The following ATXN1 variants were observed in gnomAD, a reference collection of about 807,000 sequenced individuals.
The protein encoded by ATXN1 is ataxin-1.
In ATXN1, 8 loss-of-function variants were observed where a neutral mutation model predicts 56.4. The observed-to-expected ratio is 0.14, with a 90% CI of 0.08 to 0.26. The LOEUF (loss-of-function observed/expected upper bound fraction) is 0.26, where lower values mean the gene tolerates loss of function less well. Among genes scored for constraint, ATXN1 ranks in the 10% least tolerant of loss-of-function variants. The pLI is 1.00. For missense variants in ATXN1, 987 were observed against 1,106.5 expected, an observed-to-expected ratio of 0.89 and a Z score of 1.53; for synonymous variants, 514 against 494.6, an observed-to-expected ratio of 1.04 and a Z score of -0.52.
chr6:16,439,716 A>C (rs1201511944), intron 6 of ATXN1, among the ~76,000 whole-genome samples: 1 of 152,178 alleles, frequency 6.6e-6, no homozygotes, highest in African/African-American at 2.4e-5. Context: ...TTCATTTTGA[A>C]GTATTTGAGG....
chr6:16,597,193 G>A (rs967466969), intron 3 of ATXN1, among the ~76,000 whole-genome samples: 1 of 152,202 alleles, frequency 6.6e-6, no homozygotes, highest in Non-Finnish European at 1.5e-5. Flanking sequence ...AAACACCTCC[G>A]GTGGAAGGAG....
rs534508218 is a variant in ATXN1, at chr6:16,330,833, G to T, written c.-160-2363C>A. On this transcript the variant is annotated intron_variant, in intron 6 of 7. Transcript: ENST00000436367. ...AGGAAGGTGCAGGTTTAGAAATTTG[G>T]TGTCTCGATATCAAAGGACATTTCA... Among the ~76,000 whole-genome samples the T allele has an allele frequency of 2.6e-5, 4 of 152,210 alleles. No individual in the cohort carries two copies. The South Asian group carries it at 8.3e-4, about 32-fold the overall frequency.
At chr6:16,581,390 A>C (rs1358320160) in intron 4 of ATXN1, among the ~76,000 whole-genome samples, 4 of 152,200 alleles carry the variant, frequency 2.6e-5, no homozygotes, top group Non-Finnish European at 5.9e-5. Flanking sequence ...AGGGAGGGAT[A>C]CAATAGAGAA....
chr6:16,491,887 G>A (rs1760672628), intron 5 of ATXN1, among the ~76,000 whole-genome samples: 1 of 152,174 alleles, frequency 6.6e-6, no homozygotes, highest in African/African-American at 2.4e-5. Flanking sequence ...GATGGAGGAG[G>A]CAAGTCATAT....
intron 6 of ATXN1, among the ~76,000 whole-genome samples, chr6:16,340,835 G>A (rs1761229343): frequency 6.6e-6 from 1 of 152,218 alleles, no homozygotes; most frequent in Non-Finnish European, 1.5e-5. Context: ...TGTGGCCAGG[G>A]AACAGGCAGA....
intron 3 of ATXN1, among the ~76,000 whole-genome samples, chr6:16,640,015 C>A (rs769440037): frequency 1.4e-4 from 22 of 151,946 alleles, no homozygotes; most frequent in Non-Finnish European, 2.6e-4. Context: ...ATGCAACAGG[C>A]GCATCTCATT....
At chr6:16,486,282 C>A (rs1233747015) in intron 5 of ATXN1, among the ~76,000 whole-genome samples, 173 bp from the exon 6 acceptor site, 2 of 152,172 alleles carry the variant, frequency 1.3e-5, no homozygotes, top group Non-Finnish European at 2.9e-5. Flanking sequence ...AAGAACACAA[C>A]ATGGTACAGC....
At chr6:16,595,137 A>G (rs901050896) in intron 3 of ATXN1, among the ~76,000 whole-genome samples, 3 of 152,218 alleles carry the variant, frequency 2.0e-5, no homozygotes, top group African/African-American at 7.2e-5. Context: ...TGAAATTGAG[A>G]GACTTCTTTA....
chr6:16,379,764 C>T (rs150781040), intron 6 of ATXN1, among the ~76,000 whole-genome samples: 24 of 152,222 alleles, frequency 1.6e-4, no homozygotes, highest in African/African-American at 5.1e-4. Flanking sequence ...ATCAGCAAGA[C>T]GCTGGAAGGA....
chr6:16,316,746 TA>T (rs1016435749), intron 7 of ATXN1, among the ~76,000 whole-genome samples: 1 of 148,980 alleles, frequency 6.7e-6, no homozygotes, highest in Non-Finnish European at 1.5e-5. Flanking sequence ...GACTCCGTCT[TA>T]AAAAAAACAA....
At chr6:16,416,336 A>C (rs780306874) in intron 6 of ATXN1, among the ~76,000 whole-genome samples, 12 of 152,254 alleles carry the variant, frequency 7.9e-5, no homozygotes, top group Non-Finnish European at 1.8e-4. Context: ...AATCTAAATT[A>C]GAGAGATTTT....
chr6:16,417,719 T>C (rs1758943115), intron 6 of ATXN1, among the ~76,000 whole-genome samples: 1 of 152,128 alleles, frequency 6.6e-6, no homozygotes, highest in Admixed American at 6.5e-5. Context: ...ACTATAGGCG[T>C]GAGCCACCAC....
chr6:16,669,067 T>C (rs980844656), intron 2 of ATXN1, among the ~76,000 whole-genome samples: 56 of 152,182 alleles, frequency 3.7e-4, no homozygotes, highest in Non-Finnish European at 5.4e-4. Context: ...AATCCTCCCA[T>C]AGTATGTCAA....
At chr6:16,460,233 C>T (rs1327911630) in intron 6 of ATXN1, among the ~76,000 whole-genome samples, 2 of 152,196 alleles carry the variant, frequency 1.3e-5, no homozygotes, top group Admixed American at 1.3e-4. Flanking sequence ...AGACTTAAGC[C>T]TTCCCCAGGA....
chr6:16,324,664 G>A (rs1760760053), intron 7 of ATXN1, among the ~76,000 whole-genome samples: 1 of 152,206 alleles, frequency 6.6e-6, no homozygotes, highest in African/African-American at 2.4e-5. Flanking sequence ...GCTCTCAGCT[G>A]CAGGCTGAAC....
intron 1 of ATXN1, among the ~76,000 whole-genome samples, chr6:16,756,741 T>C (rs1022209298): frequency 4.6e-5 from 7 of 152,232 alleles, no homozygotes; most frequent in Admixed American, 1.3e-4. Context: ...GTTCAGATCC[T>C]AATCTATGTG....
intron 4 of ATXN1, among the ~76,000 whole-genome samples, chr6:16,523,956 G>A (rs1488184413): frequency 6.6e-6 from 1 of 152,234 alleles, no homozygotes; most frequent in African/African-American, 2.4e-5. Context: ...CGCCTTTGCA[G>A]GTTTAAGAGA....
chr6:16,432,659 A>G (rs991441668), intron 6 of ATXN1: 3 of 151,958 alleles, frequency 2.0e-5, no homozygotes, highest in Non-Finnish European at 4.4e-5. Flanking sequence ...CATAAGCACC[A>G]CCACAAAATT....
chr6:16,716,587 C>T (rs1759645924), intron 2 of ATXN1, among the ~76,000 whole-genome samples: 1 of 152,106 alleles, frequency 6.6e-6, no homozygotes, highest in South Asian at 2.1e-4. Context: ...CTAGTTCTTC[C>T]CTGATGCAAT....
Sources: allele counts gnomAD v4.1 joint callset (sites outside exome capture counted in the v4.1 genomes callset), GRCh38; gene constraint gnomAD v4.1.1; transcripts MANE v1.5; gene names NCBI Gene and HGNC (gene_info 2026-07-23, HGNC 2026-07-21).